The following NSL1 variants were observed in gnomAD, a reference collection of about 807,000 sequenced individuals.
The protein encoded by NSL1 is NSL1 component of MIS12 kinetochore complex.
A neutral mutation model predicts 25.4 loss-of-function variants in NSL1; 11 were observed. The observed-to-expected ratio is 0.43, with a 90% CI of 0.27 to 0.72. NSL1 has a LOEUF of 0.72. NSL1 is among the 30% of genes least tolerant of loss of function. NSL1 has a pLI of 0.19. For missense variants in NSL1, 330 were observed against 342.7 expected (o/e 0.96, Z 0.29); for synonymous variants, 118 against 120.6 (o/e 0.98, Z 0.14).
intron 5 of NSL1, 77 bp downstream of exon 5, chr1:212,739,457 C>A: frequency 7.4e-7 from 1 of 1,350,982 alleles, no homozygotes; most frequent in Non-Finnish European, 1.0e-6. Flanking sequence ...CAGACTAAAA[C>A]ACATATGAAT....
At position 212,732,668 on chromosome 1, in the gene NSL1, G is replaced by A. The variant is rs1004609397; in HGVS notation, c.*5740C>T. The A allele has an allele frequency of 8.1e-6, 8 of 985,184 alleles. No individual in the cohort carries two copies. The Admixed American group carries it at 3.1e-4, about 38-fold the overall frequency. The allele number at this position is 985,184 out of a possible 1,614,324, so 61.0% of individuals were successfully genotyped here. ...TAGTTAGTAGCCTGTAGACTCGAGT[G>A]TGCTGTGTTTTGGGAGCCTTAGTTT... On this transcript the variant is annotated 3_prime_UTR_variant, in exon 6 of 6. Transcript: ENST00000366977.
Position 212,736,173 on chromosome 1 carries a change from G to A in NSL1, c.*2235C>T, listed in dbSNP as rs1289639274. 3 of 620,706 alleles carry A rather than the reference G, an allele frequency of 4.8e-6. No individual in the cohort carries two copies. Among genetic ancestry groups the A allele is most frequent in the Non-Finnish European group, 6.0e-6 (3 of 496,798 alleles). The allele number at this position is 620,706 out of a possible 1,614,324, so 38.4% of individuals were successfully genotyped here. A position where few individuals can be genotyped will look rare whatever the true frequency, so the allele number is the denominator to read the frequency against. On this transcript the variant is annotated 3_prime_UTR_variant, in exon 6 of 6. Coordinates refer to ENST00000366977, the MANE Select transcript of NSL1 (RefSeq NM_015471.4). ...TCATTTCAGCCTCCTGGGTGGCTGG[G>A]ACTACAGGTGTGTGCCATCACACCC... is the stretch of plus-strand genomic sequence containing the variant.
chr1:212,731,021 G>A lies in NSL1; in HGVS notation c.*7387C>T. 9 of 985,346 alleles carry A rather than the reference G, an allele frequency of 9.1e-6. No homozygotes were observed. The highest frequency in any genetic ancestry group is 1.1e-5 in the Non-Finnish European group (9 of 829,918). The allele number at this position is 985,346 out of a possible 1,614,324, so 61.0% of individuals were successfully genotyped here. On this transcript the variant is annotated 3_prime_UTR_variant, in exon 6 of 6. Coordinates refer to ENST00000366977, the MANE Select transcript of NSL1 (RefSeq NM_015471.4). ...GTAGAGACACAGCAACGAATTACAAGGGATTCTTTACCCCTGAAGCTTCAA... is the reference window on the plus strand; with the variant it reads ...GTAGAGACACAGCAACGAATTACAAAGGATTCTTTACCCCTGAAGCTTCAA...
In NSL1 at chr1:212,732,035, T is replaced by C. The variant is rs1203067034; in HGVS notation, c.*6373A>G. 1.0e-6 allele frequency: 1 copy of C among 981,714 alleles called. No individual in the cohort carries two copies. Among genetic ancestry groups the C allele is most frequent in the Non-Finnish European group, 1.2e-6 (1 of 828,294 alleles). The allele number at this position is 981,714 out of a possible 1,614,324, so 60.8% of individuals were successfully genotyped here. ...CCCAGTGTAACTGTCCCAATTTTTT[T>C]TTTTTTTTTTTACTGAATTCAGATT... is the stretch of plus-strand genomic sequence containing the variant. On this transcript the variant is annotated 3_prime_UTR_variant, in exon 6 of 6. Coordinates refer to ENST00000366977, the MANE Select transcript of NSL1 (RefSeq NM_015471.4).
chr1:212,777,613 T>C (rs564268352), intron 4 of NSL1, among the ~76,000 whole-genome samples: 2 of 152,270 alleles, frequency 1.3e-5, no homozygotes, highest in African/African-American at 4.8e-5. Flanking sequence ...TGGATATGTA[T>C]CTATAAATTA....
In NSL1 at chr1:212,732,028, ATTTT is replaced by A. The variant is rs11342201; in HGVS notation, c.*6376_*6379del. ...TTAGCCTCCCAGTGTAACTGTCCCA[ATTTT>A]TTTTTTTTTTTTTTACTGAATTCAG... On this transcript the variant is annotated 3_prime_UTR_variant, in exon 6 of 6. Coordinates refer to ENST00000366977, the MANE Select transcript of NSL1 (RefSeq NM_015471.4). 1,123 of 930,370 alleles carry A rather than the reference ATTTT, an allele frequency of 1.2e-3. 9 individuals carry two copies. The African/African-American group carries it at 0.019, about 16-fold the overall frequency. 57.6% of individuals were successfully genotyped at this position (930,370 alleles called of 1,614,324 possible).
Position 212,741,110 on chromosome 1 carries a change from G to C in NSL1, c.500-1509C>G, listed in dbSNP as rs114333905. On this transcript the variant is annotated intron_variant, in intron 4 of 5. Transcript: ENST00000366977. ...TCACAGGAGGGTCCTAAGGATCCTT[G>C]CCTTGAAATAACATCATAATTTCTA... is the stretch of plus-strand genomic sequence containing the variant. Among the ~76,000 whole-genome samples the C allele has an allele frequency of 3.8e-3, 574 of 152,138 alleles. 4 individuals carry two copies. The highest frequency in any genetic ancestry group is 0.013 in the African/African-American group (557 of 41,502).
At chr1:212,778,967 C>T (rs1437379344) in intron 4 of NSL1, among the ~76,000 whole-genome samples, 156 of 146,566 alleles carry the variant, frequency 1.1e-3, no homozygotes, top group African/African-American at 3.7e-3. Context: ...CGCCTCTTCC[C>T]GGCCGCCATC....
chr1:212,778,323 A>G (rs910939629), intron 4 of NSL1, among the ~76,000 whole-genome samples: 2 of 152,198 alleles, frequency 1.3e-5, no homozygotes, highest in African/African-American at 2.4e-5. Flanking sequence ...AATGTAACTA[A>G]GTTGAATCAA....
rs1558036504 is a variant in NSL1, at chr1:212,736,024, T to C, written c.*2384A>G. On this transcript the variant is annotated 3_prime_UTR_variant, in exon 6 of 6. Coordinates refer to ENST00000366977, the MANE Select transcript of NSL1 (RefSeq NM_015471.4). ...GTTCTCTCTTCTTTGGGACTAGACT[T>C]AACCTTCTTGTGTTCTTCTTATTAT... The C allele has an allele frequency of 1.0e-5, 10 of 985,288 alleles. No individual in the cohort carries two copies. Among genetic ancestry groups the C allele is most frequent in the Non-Finnish European group, 1.2e-5 (10 of 829,922 alleles). The allele number at this position is 985,288 out of a possible 1,614,324, so 61.0% of individuals were successfully genotyped here. A position where few individuals can be genotyped will look rare whatever the true frequency, so the allele number is the denominator to read the frequency against.
intron 4 of NSL1, among the ~76,000 whole-genome samples, chr1:212,771,631 A>AAAC (rs1252703031): frequency 6.6e-6 from 1 of 151,556 alleles, no homozygotes; most frequent in Non-Finnish European, 1.5e-5. Context: ...AAAAAAAAAA[A>AAAC]ACCTTAGAAC....
intron 4 of NSL1, among the ~76,000 whole-genome samples, chr1:212,773,582 G>A (rs1025861879): frequency 2.0e-5 from 3 of 152,044 alleles, no homozygotes; most frequent in African/African-American, 7.2e-5. Flanking sequence ...AGACATTGTT[G>A]GTCAGAATGT....
At chr1:212,779,204 G>A (rs1399390133) in intron 4 of NSL1, among the ~76,000 whole-genome samples, 10 of 151,600 alleles carry the variant, frequency 6.6e-5, no homozygotes, top group South Asian at 2.1e-4. Flanking sequence ...GTCTCCGCCC[G>A]GCCAGCCGCC....
At chr1:212,783,704 T>C (rs897554602) in intron 3 of NSL1, among the ~76,000 whole-genome samples, 7 of 152,188 alleles carry the variant, frequency 4.6e-5, no homozygotes, top group African/African-American at 1.7e-4. Context: ...TTCTTGTGGA[T>C]TTCCTATTTT....
intron 4 of NSL1, among the ~76,000 whole-genome samples, chr1:212,750,178 A>C (rs1658999961): frequency 6.6e-6 from 1 of 151,968 alleles, no homozygotes; most frequent in Non-Finnish European, 1.5e-5. Flanking sequence ...ATGATGGACC[A>C]AGGCTATGAT....
rs772107963 is a variant in NSL1, at chr1:212,728,440, T to C, written c.*9968A>G. On this transcript the variant is annotated 3_prime_UTR_variant, in exon 6 of 6. Transcript: ENST00000366977. ...TACAGTTGTGGCTTTACTCAATCTC[T>C]TCCTTTTCTTTGGGTAATCTTTTAT... 284 of 985,352 alleles carry C rather than the reference T, an allele frequency of 2.9e-4. No individual in the cohort carries two copies. Among genetic ancestry groups the C allele is most frequent in the Non-Finnish European group, 3.3e-4 (273 of 829,940 alleles). The allele number at this position is 985,352 out of a possible 1,614,324, so 61.0% of individuals were successfully genotyped here. A position where few individuals can be genotyped will look rare whatever the true frequency, so the allele number is the denominator to read the frequency against.
In NSL1 at chr1:212,733,023, A is replaced by G. The variant is rs1001959506; in HGVS notation, c.*5385T>C. ...TTCTATTTCTTTATTCTCTTTTTAA[A>G]TTGAGATATACTTTACCATCTCACT... On this transcript the variant is annotated 3_prime_UTR_variant, in exon 6 of 6. Transcript: ENST00000366977. Among the ~76,000 whole-genome samples the G allele has an allele frequency of 5.9e-5, 9 of 152,140 alleles. No individual in the cohort carries two copies. The highest frequency in any genetic ancestry group is 1.9e-4 in the African/African-American group (8 of 41,430).
At chr1:212,782,519 G>C in intron 3 of NSL1, 93 bp from the exon 4 acceptor site, 2 of 927,434 alleles carry the variant, frequency 2.2e-6, no homozygotes, top group Non-Finnish European at 3.5e-6. Context: ...TATAGAGTCA[G>C]TACCATTCTT....
rs1404412345 is a variant in NSL1, at chr1:212,791,535, G to GCGCATCTCGCAGAGCGGGCTCC, written c.207_228dup (p.Gln77GlyfsTer12). On this transcript the variant is annotated frameshift_variant, in exon 1 of 6. Transcript: ENST00000366977. LOFTEE classifies it high-confidence loss of function. ...CTGGCTAACTGGTCCCGTACCCACT[G>GCGCATCTCGCAGAGCGGGCTCC]CGCATCTCGCAGAGCGGGCTCCCGA... The GCGCATCTCGCAGAGCGGGCTCC allele has an allele frequency of 6.2e-7, 1 of 1,613,068 alleles. No individual in the cohort carries two copies. Among genetic ancestry groups the GCGCATCTCGCAGAGCGGGCTCC allele is most frequent in the Non-Finnish European group, 8.5e-7 (1 of 1,179,694 alleles).
Sources: gnomAD v4.1 joint callset for allele counts (sites outside exome capture counted in the v4.1 genomes callset) on GRCh38, gnomAD v4.1.1 for gene constraint, MANE v1.5 for transcripts, NCBI Gene and HGNC (gene_info 2026-07-23, HGNC 2026-07-21) for gene names.